BCAS3: variants seen among roughly 807,000 people sequenced by gnomAD.
BCAS3 encodes BCAS3 microtubule associated cell migration factor.
A neutral mutation model predicts 116.1 loss-of-function variants in BCAS3; 53 were observed. That is an observed-to-expected ratio of 0.46 (90% CI 0.37 to 0.57). The LOEUF (loss-of-function observed/expected upper bound fraction) is 0.57, where lower values mean the gene tolerates loss of function less well. BCAS3 is among the 20% of genes least tolerant of loss of function. BCAS3 has a pLI of 0.00. For synonymous variants in BCAS3, 391 were observed against 408.2 expected (o/e 0.96, Z 0.51); for missense variants, 917 against 1,165.4 (o/e 0.79, Z 3.10).
chr17:61,179,568 C>T (rs1035422536), intron 22 of BCAS3, among the ~76,000 whole-genome samples: 7 of 152,118 alleles, frequency 4.6e-5, no homozygotes, highest in Non-Finnish European at 1.0e-4. Context: ...TAATAAACAC[C>T]AAGAGCTGTG....
Position 61,041,553 on chromosome 17 carries a change from C to G in BCAS3, c.2029+661C>G, listed in dbSNP as rs1013060919. ...TCAGTTTTGTAGATATAGACAGAAT[C>G]CTTAATTTAATTTGATGGCTCTGAG... On this transcript the variant is annotated intron_variant, in intron 19 of 23. Transcript: ENST00000407086. This position sits in a 1 kb window ranked among gnomAD's most constrained non-coding sequence, Gnocchi z 4.7. Among the ~76,000 whole-genome samples the G allele has an allele frequency of 6.6e-6, 1 of 151,930 alleles. No individual in the cohort carries two copies. Among genetic ancestry groups the G allele is most frequent in the Admixed American group, 6.6e-5 (1 of 15,252 alleles).
In BCAS3 at chr17:61,087,367, G is replaced by T. The variant is rs2073172492; in HGVS notation, c.2425+2803G>T. Reference sequence around the variant, plus strand: ...GTTACACCTAACCCTCTATTTTAGTGACAGCTCTTGCTCTGTCTAACCTTG... The same window carrying T: ...GTTACACCTAACCCTCTATTTTAGTTACAGCTCTTGCTCTGTCTAACCTTG... On this transcript the variant is annotated intron_variant, in intron 22 of 23. Coordinates refer to ENST00000407086, the MANE Select transcript of BCAS3 (RefSeq NM_017679.5). This position sits in a 1 kb window ranked among gnomAD's most constrained non-coding sequence, Gnocchi z 4.6. 4.0e-6 allele frequency: 1 copy of T among 251,450 alleles called. No individual in the cohort carries two copies. 15.6% of individuals were successfully genotyped at this position (251,450 alleles called of 1,614,324 possible). A position where few individuals can be genotyped will look rare whatever the true frequency, so the allele number is the denominator to read the frequency against.
chr17:60,862,618 G>A (rs1473495992), intron 7 of BCAS3, among the ~76,000 whole-genome samples: 1 of 152,048 alleles, frequency 6.6e-6, no homozygotes, highest in Admixed American at 6.6e-5. Flanking sequence ...TAAAAAATGT[G>A]TTGCATGCAT....
intron 14 of BCAS3, among the ~76,000 whole-genome samples, chr17:60,968,999 G>A (rs111286681): frequency 2.0e-5 from 3 of 150,986 alleles, no homozygotes; most frequent in East Asian, 2.0e-4. Context: ...CATGAGTTGG[G>A]GGGGGAGATT....
intron 19 of BCAS3, among the ~76,000 whole-genome samples, chr17:61,043,817 T>C (rs2067751488): frequency 6.6e-6 from 1 of 151,992 alleles, no homozygotes; most frequent in South Asian, 2.1e-4. Flanking sequence ...TTAAAATATA[T>C]GGTAAATCAC....
rs866427872 is a variant in BCAS3 at position 61,276,011 on chromosome 17, G to T, written c.2426-92316G>T. Among the ~76,000 whole-genome samples, 1 of 152,066 alleles carries T rather than the reference G, an allele frequency of 6.6e-6. No individual in the cohort carries two copies. The highest frequency in any genetic ancestry group is 1.5e-5 in the Non-Finnish European group (1 of 68,010). On this transcript the variant is annotated intron_variant, in intron 22 of 23. Coordinates refer to ENST00000407086, the MANE Select transcript of BCAS3 (RefSeq NM_017679.5). This position sits in a 1 kb window ranked among gnomAD's most constrained non-coding sequence, Gnocchi z 4.2. ...CCTTAGGTATAAAACCTTATAAACGGCAACCTATTTTGCAAGGTTGTAGGA... is the reference window on the plus strand; with the variant it reads ...CCTTAGGTATAAAACCTTATAAACGTCAACCTATTTTGCAAGGTTGTAGGA...
At chr17:60,929,526 A>G (rs964582990) in intron 13 of BCAS3, among the ~76,000 whole-genome samples, 3 of 152,136 alleles carry the variant, frequency 2.0e-5, no homozygotes, top group Non-Finnish European at 4.4e-5. Context: ...GACGTTTTAT[A>G]AAAAGATATG....
intron 7 of BCAS3, among the ~76,000 whole-genome samples, chr17:60,840,222 T>C (rs2051772081): frequency 6.6e-6 from 1 of 152,170 alleles, no homozygotes; most frequent in Non-Finnish European, 1.5e-5. Context: ...GAATTGAATT[T>C]AATATTGTAT....
intron 15 of BCAS3, among the ~76,000 whole-genome samples, chr17:60,999,993 G>A (rs1350319817): frequency 6.6e-6 from 1 of 152,050 alleles, no homozygotes; most frequent in Non-Finnish European, 1.5e-5. Context: ...ACTGATTTTT[G>A]TATCCTGAAA....
intron 22 of BCAS3, among the ~76,000 whole-genome samples, chr17:61,178,861 G>C (rs1019192430): frequency 6.6e-6 from 1 of 152,108 alleles, no homozygotes; most frequent in East Asian, 1.9e-4. Context: ...TGAAGTTTAC[G>C]TACCCTATAT....
intron 22 of BCAS3, among the ~76,000 whole-genome samples, chr17:61,172,812 A>T (rs562254629): frequency 6.6e-6 from 1 of 151,274 alleles, no homozygotes; most frequent in South Asian, 2.1e-4. Context: ...GGTGAAACCC[A>T]TCTCTACTAA....
At chr17:61,295,121 C>T (rs939630279) in intron 22 of BCAS3, among the ~76,000 whole-genome samples, 2 of 152,158 alleles carry the variant, frequency 1.3e-5, no homozygotes, top group East Asian at 1.9e-4. Flanking sequence ...TGTGCTGTCC[C>T]GAGGCTTCTC....
intron 13 of BCAS3, among the ~76,000 whole-genome samples, chr17:60,929,640 A>T (rs915570692): frequency 1.1e-4 from 16 of 151,462 alleles, no homozygotes. Context: ...ACATATGTAT[A>T]CATGTGCCAT....
intron 23 of BCAS3, among the ~76,000 whole-genome samples, chr17:61,375,246 G>GTGTGTGTGCGCGCGCGCGCACACA (rs1555861732): frequency 6.6e-5 from 10 of 150,778 alleles, no homozygotes; most frequent in African/African-American, 2.0e-4. Flanking sequence ...GTGTGTGTGT[G>GTGTGTGTGCGCGCGCGCGCACACA]TGTGTGTGTA....
At chr17:61,350,261 A>G (rs1030901909) in intron 22 of BCAS3, among the ~76,000 whole-genome samples, 2 of 151,932 alleles carry the variant, frequency 1.3e-5, no homozygotes, top group Non-Finnish European at 2.9e-5. Context: ...CTAAAAATAC[A>G]AGAATTAACT....
At chr17:60,893,995 C>G (rs910808478) in intron 10 of BCAS3, among the ~76,000 whole-genome samples, 2 of 152,038 alleles carry the variant, frequency 1.3e-5, no homozygotes, top group Non-Finnish European at 1.5e-5. Context: ...GTGATGCTTC[C>G]TGATTTGTTA....
At chr17:61,047,244 G>A (rs1004849377) in intron 19 of BCAS3, among the ~76,000 whole-genome samples, 5 of 151,866 alleles carry the variant, frequency 3.3e-5, no homozygotes, top group African/African-American at 1.2e-4. Flanking sequence ...GAGGAATTTT[G>A]GTGTATTGTA....
chr17:60,977,293 C>T (rs1453179485), intron 14 of BCAS3, among the ~76,000 whole-genome samples: 2 of 152,162 alleles, frequency 1.3e-5, no homozygotes, highest in African/African-American at 4.8e-5. Context: ...GATCCTCCCA[C>T]CTCAGCCTCC....
intron 12 of BCAS3, among the ~76,000 whole-genome samples, chr17:60,920,917 A>G (rs1832396995): frequency 2.3e-5 from 3 of 132,170 alleles, no homozygotes; most frequent in Non-Finnish European, 3.3e-5. Flanking sequence ...AACAACAACA[A>G]CAACAGATAC....
Sources: gnomAD v4.1 joint callset for allele counts (sites outside exome capture counted in the v4.1 genomes callset) on GRCh38, gnomAD v4.1.1 for gene constraint, Gnocchi (gnomAD v3.1) non-coding constraint, MANE v1.5 for transcripts, NCBI Gene and HGNC (gene_info 2026-07-23, HGNC 2026-07-21) for gene names.